The following DPY19L1 variants were observed in gnomAD, a reference collection of about 807,000 sequenced individuals.
DPY19L1 encodes the protein dpy-19 like C-mannosyltransferase 1.
A neutral mutation model predicts 96.9 loss-of-function variants in DPY19L1; 35 were observed. The ratio of observed to expected loss-of-function variants is 0.36; its 90% CI spans 0.28 to 0.48. The LOEUF is 0.48. Among genes scored for constraint, DPY19L1 ranks in the 20% least tolerant of loss-of-function variants. The pLI is 0.99. For missense variants in DPY19L1, 521 were observed against 777.9 expected, an observed-to-expected ratio of 0.67 and a Z score of 3.93; for synonymous variants, 205 against 252.6, an observed-to-expected ratio of 0.81 and a Z score of 1.79.
At chr7:34,979,082 C>T (rs1445194023) in intron 7 of DPY19L1, among the ~76,000 whole-genome samples, 1 of 152,066 alleles carries the variant, frequency 6.6e-6, no homozygotes, top group African/African-American at 2.4e-5. Flanking sequence ...AAACATTGAT[C>T]TTTTTGTCTC....
At position 34,975,818 on chromosome 7, in the gene DPY19L1, C is replaced by A. The variant is rs1308574181; in HGVS notation, c.823-2213G>T. Among the ~76,000 whole-genome samples the A allele has an allele frequency of 2.6e-5, 4 of 152,302 alleles. No individual in the cohort carries two copies. In the East Asian group the frequency reaches 7.7e-4, roughly 29 times the overall value. On this transcript the variant is annotated intron_variant, in intron 7 of 21. Transcript: ENST00000638088. Reference sequence around the variant, plus strand: ...CTAAATATACTCTGCACGTGATCTACAAATGGAGCAACAAGCCTAGATGAC... The same window carrying A: ...CTAAATATACTCTGCACGTGATCTAAAAATGGAGCAACAAGCCTAGATGAC...
At chr7:35,034,806 A>G (rs1476651359) in intron 1 of DPY19L1, among the ~76,000 whole-genome samples, 2 of 152,150 alleles carry the variant, frequency 1.3e-5, no homozygotes, top group Non-Finnish European at 2.9e-5. Flanking sequence ...TCTTTTTTTG[A>G]TCAGTTACAA....
chr7:35,008,330 C>G (rs866196417), intron 6 of DPY19L1, among the ~76,000 whole-genome samples: 5 of 152,146 alleles, frequency 3.3e-5, no homozygotes, highest in Non-Finnish European at 7.3e-5. Context: ...GAATATGCAT[C>G]TCCCATGTAG....
At chr7:34,963,454 A>C (rs1014150780) in intron 10 of DPY19L1, among the ~76,000 whole-genome samples, 1 of 152,212 alleles carries the variant, frequency 6.6e-6, no homozygotes, top group East Asian at 1.9e-4. Context: ...CCATATGATC[A>C]ATCCAGCAAT....
intron 21 of DPY19L1, among the ~76,000 whole-genome samples, chr7:34,932,384 T>A (rs1318650055): frequency 6.6e-6 from 1 of 152,154 alleles, no homozygotes; most frequent in African/African-American, 2.4e-5. Context: ...TTGGACAAAA[T>A]CATCAAATAC....
rs557395242 is a variant in DPY19L1 at position 34,937,785 on chromosome 7, T to C, written c.2090+209A>G. On this transcript the variant is annotated intron_variant, in intron 21 of 21. Coordinates refer to ENST00000638088, the MANE Select transcript of DPY19L1 (RefSeq NM_001366673.1). ...CCCATCTCCACTAAAAATACAAAAATTAAGTGGAGCTTGCAGTGAGCCCAG... is the reference window on the plus strand; with the variant it reads ...CCCATCTCCACTAAAAATACAAAAACTAAGTGGAGCTTGCAGTGAGCCCAG... Among the ~76,000 whole-genome samples the C allele has an allele frequency of 2.0e-5, 3 of 152,018 alleles. 1 individual carries two copies. The highest frequency in any genetic ancestry group is 7.2e-5 in the African/African-American group (3 of 41,456).
At chr7:35,024,752 G>C (rs1235986110) in intron 1 of DPY19L1, among the ~76,000 whole-genome samples, 2 of 152,180 alleles carry the variant, frequency 1.3e-5, no homozygotes, top group Non-Finnish European at 2.9e-5. Flanking sequence ...GTGGCATTTT[G>C]TATTGCTTAT....
chr7:34,980,703 C>T (rs1307871173), intron 7 of DPY19L1, among the ~76,000 whole-genome samples: 3 of 152,236 alleles, frequency 2.0e-5, no homozygotes, highest in Admixed American at 1.3e-4. Context: ...AATATCATTA[C>T]TCATCAGGAA....
At position 34,949,889 on chromosome 7, in the gene DPY19L1, C is replaced by A. The variant is rs1784234600; in HGVS notation, c.1330G>T (p.Gly444Cys). 1 of 1,554,796 alleles carries A rather than the reference C, an allele frequency of 6.4e-7. No individual in the cohort carries two copies. Among genetic ancestry groups the A allele is most frequent in the Non-Finnish European group, 8.8e-7 (1 of 1,138,382 alleles). The change falls in exon 14 of 22, where the codon GGC becomes TGC. Residue 444 changes from glycine (G) to cysteine (C), a missense_variant. Gly to Cys is a radical substitution (Grantham distance 159). Coordinates refer to ENST00000638088, the MANE Select transcript of DPY19L1 (RefSeq NM_001366673.1). Reference sequence around the variant, plus strand: ...AAGAATTTTGATGTTAGTAAGTTGCCAATATGAGCCTGGTAAGAAATAAAG... The same window carrying A: ...AAGAATTTTGATGTTAGTAAGTTGCAAATATGAGCCTGGTAAGAAATAAAG... Reference protein sequence around the residue: ...IFGIADDAHIGNLLTSKFFSY... With the variant: ...IFGIADDAHICNLLTSKFFSY...
intron 6 of DPY19L1, among the ~76,000 whole-genome samples, chr7:35,002,573 T>C (rs1223983095): frequency 1.3e-5 from 2 of 152,108 alleles, no homozygotes; most frequent in Admixed American, 1.3e-4. Context: ...AAACAACCCA[T>C]CAAGTGTCCA....
rs550500810 is a variant in DPY19L1 at position 35,022,358 on chromosome 7, T to G, written c.299-3762A>C. Among the ~76,000 whole-genome samples the G allele has an allele frequency of 5.1e-4, 77 of 152,354 alleles. 1 individual carries two copies. The highest frequency in any genetic ancestry group is 1.8e-3 in the African/African-American group (75 of 41,584). On this transcript the variant is annotated intron_variant, in intron 1 of 21. Coordinates refer to ENST00000638088, the MANE Select transcript of DPY19L1 (RefSeq NM_001366673.1). ...AACCTAATTCAAAAAATCACAATCC[T>G]TATGGCTAAGAATTTTGTAAGGTTC...
chr7:34,958,288 G>GTAA (rs563235386), intron 10 of DPY19L1, among the ~76,000 whole-genome samples: 1 of 152,210 alleles, frequency 6.6e-6, no homozygotes, highest in Non-Finnish European at 1.5e-5. Flanking sequence ...ATAAATTCTA[G>GTAA]TTTATATATT....
intron 14 of DPY19L1, among the ~76,000 whole-genome samples, chr7:34,948,908 G>A (rs547101192): frequency 3.9e-5 from 6 of 152,294 alleles, no homozygotes; most frequent in African/African-American, 9.6e-5. Context: ...CCAAATGGCC[G>A]GTAGATAAAA....
intron 20 of DPY19L1, 154 bp downstream of exon 20, chr7:34,939,122 T>C: frequency 1.6e-6 from 1 of 625,580 alleles, no homozygotes; most frequent in Admixed American, 3.2e-5. Context: ...TGTTTAGAGC[T>C]TAGCGGTCTT....
rs1783740133 is a variant in DPY19L1, at chr7:34,930,946, A to T, written c.*627T>A. 6.6e-6 allele frequency: 1 copy of T among 152,170 alleles called. No individual in the cohort carries two copies. 9.4% of individuals were successfully genotyped at this position (152,170 alleles called of 1,614,324 possible). A position where few individuals can be genotyped will look rare whatever the true frequency, so the allele number is the denominator to read the frequency against. On this transcript the variant is annotated 3_prime_UTR_variant, in exon 22 of 22. Coordinates refer to ENST00000638088, the MANE Select transcript of DPY19L1 (RefSeq NM_001366673.1). Reference sequence around the variant, plus strand: ...ATGCCATATGGCTGGAAGTTAAGGGAATTTCCTAACCACAAGGTCCAAGAG... The same window carrying T: ...ATGCCATATGGCTGGAAGTTAAGGGTATTTCCTAACCACAAGGTCCAAGAG...
intron 8 of DPY19L1, among the ~76,000 whole-genome samples, chr7:34,969,939 T>C (rs1784690062): frequency 6.6e-6 from 1 of 152,192 alleles, no homozygotes; most frequent in Non-Finnish European, 1.5e-5. Flanking sequence ...TAATGCAGAA[T>C]AAGAGGTAAG....
intron 4 of DPY19L1, among the ~76,000 whole-genome samples, chr7:35,012,627 A>G (rs1454362059): frequency 2.0e-5 from 3 of 152,198 alleles, no homozygotes; most frequent in Admixed American, 6.5e-5. Flanking sequence ...CCAATTCCAG[A>G]TAAATTAAAA....
At chr7:34,996,929 G>C (rs969997384) in intron 6 of DPY19L1, among the ~76,000 whole-genome samples, 1 of 152,160 alleles carries the variant, frequency 6.6e-6, no homozygotes. Flanking sequence ...AGAGCCACAT[G>C]AGCTGATGCA....
At chr7:34,946,438 C>T (rs541146149) in intron 15 of DPY19L1, among the ~76,000 whole-genome samples, 2 of 152,260 alleles carry the variant, frequency 1.3e-5, no homozygotes, top group African/African-American at 2.4e-5. Flanking sequence ...AGTAATTATC[C>T]GCTTTCCATC....
Sources: gnomAD v4.1 joint callset for allele counts (sites outside exome capture counted in the v4.1 genomes callset) on GRCh38, gnomAD v4.1.1 for gene constraint, MANE v1.5 for transcripts, NCBI Gene and HGNC (gene_info 2026-07-23, HGNC 2026-07-21) for gene names.